Variants in NBAS observed in about 807,000 individuals in gnomAD.
NBAS encodes NAG/BC035112 fusion.
In NBAS, 219 loss-of-function variants were observed where a neutral mutation model predicts 302.5. That is an observed-to-expected ratio of 0.72 (90% CI 0.65 to 0.81). The LOEUF (loss-of-function observed/expected upper bound fraction) is 0.81. NBAS is among the 30% of genes least tolerant of loss of function. The pLI, the probability that NBAS is intolerant of heterozygous loss-of-function variation, is 0.00. For synonymous variants in NBAS, 1,118 were observed against 1,021.6 expected, an observed-to-expected ratio of 1.09 and a Z score of -1.80; for missense variants, 2,932 against 2,841.6, an observed-to-expected ratio of 1.03 and a Z score of -0.72.
chr2:15,029,533 G>C, the NBAS span, among the ~76,000 whole-genome samples: 1 of 152,180 alleles, frequency 6.6e-6, no homozygotes, highest in Non-Finnish European at 1.5e-5. Context: ...TCTTGGGAGA[G>C]ATAAAGGAAT....
At chr2:14,869,405 T>C in the NBAS span, among the ~76,000 whole-genome samples, 3 of 152,302 alleles carry the variant, frequency 2.0e-5, no homozygotes, top group East Asian at 1.9e-4. Flanking sequence ...TCTAGCAGGA[T>C]TGGGTCAAAG....
the NBAS span, among the ~76,000 whole-genome samples, chr2:14,793,656 T>C: frequency 1.3e-5 from 2 of 151,988 alleles, no homozygotes; most frequent in African/African-American, 4.8e-5. Flanking sequence ...TAAGAAGAAA[T>C]GATCGATGAA....
At chr2:14,824,911 G>A in the NBAS span, among the ~76,000 whole-genome samples, 10 of 152,248 alleles carry the variant, frequency 6.6e-5, no homozygotes, top group African/African-American at 2.4e-4. Context: ...AAGTGAAGTG[G>A]TTCAGGAGCT....
the NBAS span, among the ~76,000 whole-genome samples, chr2:14,866,949 G>C: frequency 6.6e-6 from 1 of 152,138 alleles, no homozygotes; most frequent in Non-Finnish European, 1.5e-5. Context: ...AGATCTAACT[G>C]CGACACTGAG....
Position 15,477,184 on chromosome 2 carries a change from T to C in NBAS, c.1147+1042A>G, listed in dbSNP as rs149587285. On this transcript the variant is annotated intron_variant, in intron 13 of 51. Transcript: ENST00000281513. ...TCTGGATGAATATTTTGGATGATTA[T>C]TTAAAGCGAATAATTCAAAGCATGG... 5.3e-4 allele frequency among the ~76,000 whole-genome samples: 80 copies of C among 152,356 alleles called. 1 individual carries two copies. The highest frequency in any genetic ancestry group is 1.9e-3 in the African/African-American group (77 of 41,588).
chr2:14,922,937 G>T, the NBAS span, among the ~76,000 whole-genome samples: 1 of 152,154 alleles, frequency 6.6e-6, no homozygotes, highest in Non-Finnish European at 1.5e-5. Context: ...TGGATCAAGA[G>T]GTCAGGAGAT....
rs188318528 is a variant in NBAS, at chr2:15,187,456, T to C, written c.6573-576A>G. On this transcript the variant is annotated intron_variant, in intron 49 of 51. Transcript: ENST00000281513. ...ACTAAGTTACAATCAGGGTATTGCA[T>C]AGCAGAGGTCAGCTGGGGAGCATAG... 3.0e-4 allele frequency among the ~76,000 whole-genome samples: 45 copies of C among 152,272 alleles called. No homozygotes were observed. In the East Asian group the frequency reaches 7.5e-3, roughly 25 times the overall value.
At chr2:15,383,983 G>A (rs1448818435) in intron 28 of NBAS, among the ~76,000 whole-genome samples, 3 of 152,174 alleles carry the variant, frequency 2.0e-5, no homozygotes, top group South Asian at 2.1e-4. Context: ...TGTGTCCGGC[G>A]TAGGAAGAAG....
the NBAS span, among the ~76,000 whole-genome samples, chr2:14,993,429 C>T: frequency 5.3e-5 from 8 of 152,206 alleles, no homozygotes; most frequent in African/African-American, 1.9e-4. Flanking sequence ...CTCTCCCAAA[C>T]CTCTCTTCTT....
At chr2:15,034,235 G>GAAAAA in the NBAS span, among the ~76,000 whole-genome samples, 2 of 81,636 alleles carry the variant, frequency 2.4e-5, 1 homozygote, top group East Asian at 6.7e-4. Context: ...AAAGAAAGAA[G>GAAAAA]GAAAGAAAGA....
chr2:15,078,862 A>G, the NBAS span, among the ~76,000 whole-genome samples: 1 of 152,240 alleles, frequency 6.6e-6, no homozygotes, highest in East Asian at 1.9e-4. Flanking sequence ...TCGGGATCAA[A>G]GACAATATAC....
chr2:14,817,605 G>A, the NBAS span, among the ~76,000 whole-genome samples: 2 of 152,138 alleles, frequency 1.3e-5, no homozygotes, highest in African/African-American at 4.8e-5. Context: ...GAGGTAGAGA[G>A]AAGGATTCTT....
the NBAS span, among the ~76,000 whole-genome samples, chr2:14,919,101 A>G: frequency 2.6e-5 from 4 of 152,164 alleles, no homozygotes; most frequent in Non-Finnish European, 5.9e-5. Flanking sequence ...TTTTGCACCT[A>G]TGGAATATAT....
the NBAS span, among the ~76,000 whole-genome samples, chr2:14,914,963 A>G: frequency 6.6e-6 from 1 of 152,316 alleles, no homozygotes; most frequent in East Asian, 1.9e-4. Flanking sequence ...TTCTGTTTAT[A>G]TACTCCCTAT....
the NBAS span, among the ~76,000 whole-genome samples, chr2:14,780,941 G>A: frequency 6.6e-6 from 1 of 152,150 alleles, no homozygotes. Flanking sequence ...GAGAGAATGA[G>A]AGAAAGAGAG....
At chr2:15,091,594 A>G in the NBAS span, among the ~76,000 whole-genome samples, 273 of 148,230 alleles carry the variant, frequency 1.8e-3, 2 homozygotes, top group African/African-American at 6.2e-3. Context: ...GTGCAGTGGC[A>G]CTATCTAGGA....
At chr2:15,383,828 A>G (rs1675161452) in intron 28 of NBAS, among the ~76,000 whole-genome samples, 1 of 152,158 alleles carries the variant, frequency 6.6e-6, no homozygotes, top group Admixed American at 6.5e-5. Flanking sequence ...GCGGCTCACC[A>G]GCAGGGCAGC....
At chr2:15,083,432 C>T in the NBAS span, among the ~76,000 whole-genome samples, 1 of 152,220 alleles carries the variant, frequency 6.6e-6, no homozygotes, top group African/African-American at 2.4e-5. Flanking sequence ...CAGGTTTGTT[C>T]AGAAGGAACA....
intron 35 of NBAS, among the ~76,000 whole-genome samples, chr2:15,344,313 T>C (rs974262591): frequency 2.0e-5 from 3 of 151,864 alleles, no homozygotes; most frequent in Non-Finnish European, 4.4e-5. Context: ...CAATAAAAAA[T>C]GATAAAGGGG....
Sources: gnomAD v4.1 joint callset for allele counts (sites outside exome capture counted in the v4.1 genomes callset) on GRCh38, gnomAD v4.1.1 for gene constraint, MANE v1.5 for transcripts, NCBI Gene and HGNC (gene_info 2026-07-23, HGNC 2026-07-21) for gene names.